The following ACTR3C variants were observed in gnomAD, a reference collection of about 807,000 sequenced individuals.
ACTR3C encodes actin related protein 3C.
ACTR3C carries 18 observed loss-of-function variants against 26.3 expected under a neutral mutation model. The observed-to-expected ratio is 0.68, with a 90% CI of 0.47 to 1.01. The LOEUF (loss-of-function observed/expected upper bound fraction) is 1.01, where lower values mean the gene tolerates loss of function less well. Among genes scored for constraint, ACTR3C ranks in the 50% least tolerant of loss-of-function variants. The pLI is 0.00. For missense variants in ACTR3C, 184 were observed against 250.7 expected (o/e 0.73, Z 1.80); for synonymous variants, 55 against 94.5 (o/e 0.58, Z 2.42).
the ACTR3C span, among the ~76,000 whole-genome samples, chr7:150,225,656 CCCCT>C: frequency 4.6e-5 from 7 of 152,220 alleles, no homozygotes; most frequent in East Asian, 7.7e-4. Flanking sequence ...AGCACCTTTT[CCCCT>C]CCCTCTTCAG....
At chr7:150,025,655 G>C in the ACTR3C span, among the ~76,000 whole-genome samples, 3 of 152,212 alleles carry the variant, frequency 2.0e-5, no homozygotes, top group East Asian at 5.8e-4. Context: ...GGAGGAAAAT[G>C]ATATCTGGCA....
chr7:150,073,964 C>T, the ACTR3C span: 1 of 152,198 alleles, frequency 6.6e-6, no homozygotes, highest in Non-Finnish European at 1.5e-5. Flanking sequence ...TTCTTTTGCT[C>T]TTACCCAGTT....
chr7:150,164,278 G>T, the ACTR3C span, among the ~76,000 whole-genome samples: 1 of 152,184 alleles, frequency 6.6e-6, no homozygotes. Context: ...CATATCAGAG[G>T]GTCGAGGAAG....
At chr7:150,210,966 T>C in the ACTR3C span, among the ~76,000 whole-genome samples, 1 of 146,752 alleles carries the variant, frequency 6.8e-6, no homozygotes, top group African/African-American at 2.8e-5. Flanking sequence ...GGTAATAATC[T>C]TCTTTTGTCC....
chr7:150,167,823 C>T, the ACTR3C span, among the ~76,000 whole-genome samples: 2 of 150,316 alleles, frequency 1.3e-5, no homozygotes, highest in Non-Finnish European at 2.9e-5. Context: ...AATGCTCCCT[C>T]AAGGAAAAAT....
At chr7:150,074,097 C>T in the ACTR3C span, 5 of 152,336 alleles carry the variant, frequency 3.3e-5, no homozygotes, top group Admixed American at 2.6e-4. Context: ...CAGACCTTCA[C>T]TCCAGCTTAC....
At chr7:150,069,353 C>G in the ACTR3C span, among the ~76,000 whole-genome samples, 33 of 152,258 alleles carry the variant, frequency 2.2e-4, no homozygotes, top group African/African-American at 7.0e-4. Flanking sequence ...GAGAAGAGGT[C>G]TGGGGCTAAG....
chr7:150,235,091 T>G, the ACTR3C span, among the ~76,000 whole-genome samples: 1 of 152,210 alleles, frequency 6.6e-6, no homozygotes, highest in Non-Finnish European at 1.5e-5. Flanking sequence ...GGGAGCCATC[T>G]CAGAATCAGC....
At chr7:150,048,458 C>G in the ACTR3C span, among the ~76,000 whole-genome samples, 10 of 152,014 alleles carry the variant, frequency 6.6e-5, no homozygotes, top group African/African-American at 1.7e-4. Flanking sequence ...GGTGGAGGGG[C>G]GGGGACCACG....
At chr7:150,067,208 C>A in the ACTR3C span, among the ~76,000 whole-genome samples, 3 of 152,212 alleles carry the variant, frequency 2.0e-5, no homozygotes, top group Non-Finnish European at 4.4e-5. Flanking sequence ...GCCAGGAGTT[C>A]CTTCTTACAT....
the ACTR3C span, among the ~76,000 whole-genome samples, chr7:150,042,656 G>A: frequency 7.2e-5 from 11 of 151,910 alleles, no homozygotes; most frequent in Non-Finnish European, 1.3e-4. Context: ...ATCACAAAAT[G>A]GGGGGCCTTT....
At chr7:149,899,269 C>T in the ACTR3C span, among the ~76,000 whole-genome samples, 1 of 139,794 alleles carries the variant, frequency 7.2e-6, no homozygotes, top group Non-Finnish European at 1.6e-5. Context: ...ACAATGCCAC[C>T]GAGATAACAC....
At chr7:150,073,502 AT>A in the ACTR3C span, 1 of 148,332 alleles carries the variant, frequency 6.7e-6, no homozygotes, top group Admixed American at 6.8e-5. Context: ...TTAAATTCAT[AT>A]TTTTTAAAAG....
chr7:150,183,411 T>A, the ACTR3C span, among the ~76,000 whole-genome samples: 2 of 150,012 alleles, frequency 1.3e-5, no homozygotes, highest in South Asian at 4.2e-4. Context: ...TTGGGGCTCT[T>A]ATAACAATGT....
chr7:150,301,161 G>A (rs10276373), intron 1 of ACTR3C, among the ~76,000 whole-genome samples: 10,640 of 152,234 alleles, frequency 0.07, 1,247 homozygotes, highest in African/African-American at 0.24. Flanking sequence ...CATATTAACT[G>A]AAGAAACCTA....
At chr7:150,143,237 A>G in the ACTR3C span, among the ~76,000 whole-genome samples, 1 of 152,196 alleles carries the variant, frequency 6.6e-6, no homozygotes, top group East Asian at 1.9e-4. Flanking sequence ...TTCTCCTGAA[A>G]CGCATTTTGT....
chr7:150,290,852 A>G (rs1836190822), intron 3 of ACTR3C, among the ~76,000 whole-genome samples: 1 of 152,260 alleles, frequency 6.6e-6, no homozygotes, highest in Non-Finnish European at 1.5e-5. Flanking sequence ...TATGCATTAC[A>G]CATAATATTT....
the ACTR3C span, among the ~76,000 whole-genome samples, chr7:150,166,976 C>T: frequency 2.7e-5 from 4 of 149,106 alleles, no homozygotes; most frequent in African/African-American, 7.7e-5. Context: ...CTGCAAATGA[C>T]AGGATTTTAT....
chr7:150,236,428 A>G, the ACTR3C span, among the ~76,000 whole-genome samples: 1 of 152,214 alleles, frequency 6.6e-6, no homozygotes, highest in Non-Finnish European at 1.5e-5. Context: ...GAATGCCCTG[A>G]ACCCAATAAT....
Sources: gnomAD v4.1 joint callset for allele counts (sites outside exome capture counted in the v4.1 genomes callset) on GRCh38, gnomAD v4.1.1 for gene constraint, MANE v1.5 for transcripts, NCBI Gene and HGNC (gene_info 2026-07-23, HGNC 2026-07-21) for gene names.